The following ADGRG7 variants were observed in gnomAD, a reference collection of about 807,000 sequenced individuals.
The protein encoded by ADGRG7 is G-protein coupled receptor 128.
A neutral mutation model predicts 88.6 loss-of-function variants in ADGRG7; 82 were observed. That is an observed-to-expected ratio of 0.93 (90% CI 0.77 to 1.11). The LOEUF (loss-of-function observed/expected upper bound fraction) is 1.11, where lower values mean the gene tolerates loss of function less well. ADGRG7 is among the 50% of genes most tolerant of loss of function. The pLI, the probability that ADGRG7 is intolerant of heterozygous loss-of-function variation, is 0.00. For missense variants in ADGRG7, 945 were observed against 953.4 expected (o/e 0.99, Z 0.12); for synonymous variants, 381 against 345.2 (o/e 1.10, Z -1.15).
At chr3:100,644,172 G>A (rs1281577865) in intron 8 of ADGRG7, among the ~76,000 whole-genome samples, 1 of 130,378 alleles carries the variant, frequency 7.7e-6, no homozygotes, top group African/African-American at 2.6e-5. Context: ...TGAAGTGGTT[G>A]TATTTTTCAA....
chr3:100,655,887 T>C lies in ADGRG7; in HGVS notation c.1727-12T>C. 1 of 1,443,944 alleles carries C rather than the reference T, an allele frequency of 6.9e-7. No individual in the cohort carries two copies. The highest frequency in any genetic ancestry group is 1.8e-4 in the Middle Eastern group (1 of 5,704). 89.4% of individuals were successfully genotyped at this position (1,443,944 alleles called of 1,614,324 possible). ...ATAAATCATTAATTATGTGCCTCTCTTTATCACATAGGAGTCCCAGCTATA... is the reference window on the plus strand; with the variant it reads ...ATAAATCATTAATTATGTGCCTCTCCTTATCACATAGGAGTCCCAGCTATA... On this transcript the variant is annotated splice_polypyrimidine_tract_variant and intron_variant, in intron 12 of 15. Coordinates refer to ENST00000273352, the MANE Select transcript of ADGRG7 (RefSeq NM_032787.3).
At chr3:100,616,149 A>T (rs1707222164) in intron 1 of ADGRG7, among the ~76,000 whole-genome samples, 1 of 152,196 alleles carries the variant, frequency 6.6e-6, no homozygotes, top group Admixed American at 6.5e-5. Flanking sequence ...TCGTAAAAGA[A>T]GTAATCATGA....
At chr3:100,642,175 C>G (rs1707651575) in intron 6 of ADGRG7, among the ~76,000 whole-genome samples, 1 of 152,182 alleles carries the variant, frequency 6.6e-6, no homozygotes, top group Non-Finnish European at 1.5e-5. Context: ...CCTGGAACTC[C>G]CACTGTTTCA....
chr3:100,656,282 A>T (rs544524455), intron 13 of ADGRG7, among the ~76,000 whole-genome samples: 1 of 152,328 alleles, frequency 6.6e-6, no homozygotes, highest in South Asian at 2.1e-4. Context: ...ATGATACAAT[A>T]GGTATTATCC....
Position 100,694,914 on chromosome 3 carries a change from A to G in ADGRG7, c.2307A>G (p.Leu769=), listed in dbSNP as rs1212565077. 2 of 1,614,214 alleles carry G rather than the reference A, an allele frequency of 1.2e-6. No individual in the cohort carries two copies. Among genetic ancestry groups the G allele is most frequent in the Non-Finnish European group, 8.5e-7 (1 of 1,180,030 alleles). ...MYNFLRSLPT[L]HERFRLLETS... ...ATTTCCTCAGGTCATTGCCAACCTT[A>G]CATGAACGCTTTAGGCTACTGGAAA... The change falls in exon 16 of 16, where the codon TTA becomes TTG. Residue 769 remains leucine (L), a synonymous_variant. Coordinates refer to ENST00000273352, the MANE Select transcript of ADGRG7 (RefSeq NM_032787.3).
chr3:100,634,181 G>A (rs1031519110), intron 4 of ADGRG7, among the ~76,000 whole-genome samples: 6 of 152,196 alleles, frequency 3.9e-5, no homozygotes, highest in African/African-American at 1.4e-4. Flanking sequence ...AAATGCACAT[G>A]CATGGAAGAG....
intron 15 of ADGRG7, among the ~76,000 whole-genome samples, chr3:100,671,393 A>G (rs9814836): frequency 0.92 from 139,780 of 152,214 alleles, 65,054 homozygotes; most frequent in Non-Finnish European, 1. Context: ...ACTTTTTGAT[A>G]GCGCTGTTTG....
At chr3:100,651,978 G>T (rs945939937) in intron 11 of ADGRG7, among the ~76,000 whole-genome samples, 1 of 151,982 alleles carries the variant, frequency 6.6e-6, no homozygotes, top group Non-Finnish European at 1.5e-5. Context: ...TTTAGTTTTC[G>T]ATGGGTTTGT....
intron 15 of ADGRG7, among the ~76,000 whole-genome samples, 197 bp from the exon 16 acceptor site, chr3:100,694,547 A>G (rs777312526): frequency 1.6e-4 from 25 of 152,202 alleles, no homozygotes; most frequent in Admixed American, 7.2e-4. Flanking sequence ...GTACTGTTAC[A>G]TGTAGGTCTT....
intron 15 of ADGRG7, among the ~76,000 whole-genome samples, chr3:100,677,797 T>C (rs1351806630): frequency 6.6e-6 from 1 of 152,154 alleles, no homozygotes; most frequent in East Asian, 1.9e-4. Context: ...GCCAGACAAA[T>C]TGAAGCTCTG....
intron 15 of ADGRG7, among the ~76,000 whole-genome samples, chr3:100,676,004 T>G (rs985327167): frequency 7.2e-5 from 11 of 152,230 alleles, no homozygotes; most frequent in Non-Finnish European, 1.2e-4. Context: ...TCTTTTTTTC[T>G]TAGTTAATCT....
At chr3:100,694,366 C>G (rs2094998675) in intron 15 of ADGRG7, among the ~76,000 whole-genome samples, 1 of 152,112 alleles carries the variant, frequency 6.6e-6, no homozygotes, top group African/African-American at 2.4e-5. Context: ...ACTATAACTC[C>G]AAGAAATATG....
chr3:100,687,689 T>G (rs1310423377), intron 15 of ADGRG7, among the ~76,000 whole-genome samples: 1 of 152,208 alleles, frequency 6.6e-6, no homozygotes, highest in Non-Finnish European at 1.5e-5. Flanking sequence ...TTATTGATTT[T>G]CGTATGTTGA....
chr3:100,656,000 G>A lies in ADGRG7; in HGVS notation c.1823+5G>A. 6.4e-7 allele frequency: 1 copy of A among 1,573,750 alleles called. No homozygotes were observed. The highest frequency in any genetic ancestry group is 8.7e-7 in the Non-Finnish European group (1 of 1,143,876). The stretch of plus-strand genomic sequence containing the variant: ...AGACTACCGGCAAGAGAAAATGTGA[G>A]TTTATATTTTTTTAAATGTCCAATT... On this transcript the variant is annotated splice_donor_5th_base_variant and intron_variant, in intron 13 of 15. Coordinates refer to ENST00000273352, the MANE Select transcript of ADGRG7 (RefSeq NM_032787.3).
chr3:100,643,216 T>C, intron 6 of ADGRG7, 50 bp from the exon 7 acceptor site: 1 of 1,552,612 alleles, frequency 6.4e-7, no homozygotes, highest in Non-Finnish European at 8.8e-7. Flanking sequence ...CACATACCTT[T>C]CATTTTATGA....
intron 6 of ADGRG7, among the ~76,000 whole-genome samples, chr3:100,638,106 C>T (rs550983348): frequency 6.6e-6 from 1 of 152,338 alleles, no homozygotes; most frequent in East Asian, 1.9e-4. Context: ...GCATTATCAG[C>T]CCAGTGGGCC....
At chr3:100,616,058 T>C (rs1486294265) in intron 1 of ADGRG7, among the ~76,000 whole-genome samples, 1 of 152,170 alleles carries the variant, frequency 6.6e-6, no homozygotes, top group Non-Finnish European at 1.5e-5. Flanking sequence ...ACAATCTAAA[T>C]CTGTCCTACC....
intron 15 of ADGRG7, among the ~76,000 whole-genome samples, chr3:100,672,790 C>T (rs2094960381): frequency 6.6e-6 from 1 of 152,036 alleles, no homozygotes; most frequent in Non-Finnish European, 1.5e-5. Context: ...TTGTCGAAGG[C>T]CTTTTCTATG....
At chr3:100,674,079 A>T (rs1397641571) in intron 15 of ADGRG7, among the ~76,000 whole-genome samples, 1 of 152,140 alleles carries the variant, frequency 6.6e-6, no homozygotes, top group South Asian at 2.1e-4. Context: ...ATTTGGGTAC[A>T]TTGTGTCTTT....
Sources: allele counts gnomAD v4.1 joint callset (sites outside exome capture counted in the v4.1 genomes callset), GRCh38; gene constraint gnomAD v4.1.1; transcripts MANE v1.5; gene names NCBI Gene and HGNC (gene_info 2026-07-23, HGNC 2026-07-21).